Variants in TRPM3 observed in about 807,000 individuals in gnomAD.
The protein encoded by TRPM3 is transient receptor potential cation channel subfamily M member 3, also known as long transient receptor potential channel 3.
TRPM3 carries 77 observed loss-of-function variants against 181.2 expected under a neutral mutation model. That is an observed-to-expected ratio of 0.42 (90% CI 0.35 to 0.51). The LOEUF is 0.51. TRPM3 is among the 20% of genes least tolerant of loss of function. The probability of loss-of-function intolerance (pLI) is 0.01; values close to 1 mark genes in which losing one functional copy is unlikely to be tolerated. For missense variants in TRPM3, 1,759 were observed against 2,196.7 expected, an observed-to-expected ratio of 0.80 and a Z score of 3.98; for synonymous variants, 745 against 796.4, an observed-to-expected ratio of 0.94 and a Z score of 1.09.
At chr9:71,168,429 A>G (rs1391738497) in intron 1 of TRPM3, among the ~76,000 whole-genome samples, 1 of 151,458 alleles carries the variant, frequency 6.6e-6, no homozygotes, top group Non-Finnish European at 1.5e-5. Context: ...AGAATTACTG[A>G]GAGTTTAAAT....
chr9:71,022,524 A>C (rs1414241439), intron 1 of TRPM3, among the ~76,000 whole-genome samples: 14 of 152,022 alleles, frequency 9.2e-5, no homozygotes, highest in Admixed American at 9.2e-4. Flanking sequence ...GCAAGACTCT[A>C]TCTCTATAAA....
intron 1 of TRPM3, among the ~76,000 whole-genome samples, chr9:71,267,394 C>A (rs2083460800): frequency 6.6e-6 from 1 of 152,192 alleles, no homozygotes; most frequent in Non-Finnish European, 1.5e-5. Context: ...GTGGCTCTGA[C>A]CCCAGTAAGT....
At chr9:71,167,843 A>C (rs2076614139) in intron 1 of TRPM3, among the ~76,000 whole-genome samples, 1 of 152,214 alleles carries the variant, frequency 6.6e-6, no homozygotes, top group African/African-American at 2.4e-5. Flanking sequence ...TCTACAGAAG[A>C]AAATTTCAAA....
intron 12 of TRPM3, among the ~76,000 whole-genome samples, chr9:70,627,881 A>G (rs113869398): frequency 1.3e-5 from 2 of 152,224 alleles, no homozygotes; most frequent in African/African-American, 4.8e-5. Context: ...TTTGAAGATT[A>G]TCTTTATCCA....
intron 1 of TRPM3, among the ~76,000 whole-genome samples, chr9:71,414,215 T>A (rs2093604536): frequency 6.6e-6 from 1 of 152,092 alleles, no homozygotes; most frequent in African/African-American, 2.4e-5. Context: ...GATTATACCA[T>A]TTGAGGGCAG....
At chr9:71,026,430 A>G (rs984862028) in intron 1 of TRPM3, among the ~76,000 whole-genome samples, 2 of 152,094 alleles carry the variant, frequency 1.3e-5, no homozygotes, top group Non-Finnish European at 2.9e-5. Flanking sequence ...CCCGATGAAC[A>G]CGCACCAGCC....
At chr9:70,917,813 G>A (rs1354726472) in intron 1 of TRPM3, among the ~76,000 whole-genome samples, 2 of 151,844 alleles carry the variant, frequency 1.3e-5, no homozygotes, top group African/African-American at 4.8e-5. Context: ...AACAATGAAT[G>A]TAAATGGACT....
chr9:71,163,475 G>A (rs1350389452), intron 1 of TRPM3, among the ~76,000 whole-genome samples: 1 of 152,138 alleles, frequency 6.6e-6, no homozygotes, highest in South Asian at 2.1e-4. Context: ...GTTAACAGTG[G>A]TGTTATTTAT....
chr9:70,823,111 G>A (rs1208607961), intron 6 of TRPM3, among the ~76,000 whole-genome samples: 2 of 151,906 alleles, frequency 1.3e-5, no homozygotes, highest in African/African-American at 4.8e-5. Flanking sequence ...GCCTCTCTGG[G>A]CTTCCCCTGC....
intron 1 of TRPM3, among the ~76,000 whole-genome samples, chr9:71,059,135 C>G (rs1474413490): frequency 7.3e-6 from 1 of 137,910 alleles, no homozygotes. Context: ...TTAAAGGTTA[C>G]CAAAACCAAA....
At chr9:70,594,874 G>A (rs1439043071) in intron 21 of TRPM3, among the ~76,000 whole-genome samples, 1 of 152,140 alleles carries the variant, frequency 6.6e-6, no homozygotes, top group Non-Finnish European at 1.5e-5. Flanking sequence ...TTCCAGCCTG[G>A]TGGTCCATCT....
intron 1 of TRPM3, among the ~76,000 whole-genome samples, chr9:71,405,968 CT>C (rs1450809743): frequency 6.6e-6 from 1 of 152,034 alleles, no homozygotes; most frequent in East Asian, 1.9e-4. Flanking sequence ...ATCGCGTTAT[CT>C]TTTTTCAAAC....
chr9:71,209,604 CT>C (rs1467078890), intron 1 of TRPM3, among the ~76,000 whole-genome samples: 1 of 152,142 alleles, frequency 6.6e-6, no homozygotes, highest in East Asian at 1.9e-4. Flanking sequence ...CAAAGAGCAC[CT>C]GCTGATAGAG....
At chr9:71,228,170 T>C (rs1029971301) in intron 1 of TRPM3, among the ~76,000 whole-genome samples, 1 of 152,184 alleles carries the variant, frequency 6.6e-6, no homozygotes, top group Non-Finnish European at 1.5e-5. Flanking sequence ...GATGCAAGGA[T>C]GGTTCAACAT....
intron 1 of TRPM3, among the ~76,000 whole-genome samples, chr9:70,918,270 T>C (rs12344810): frequency 0.25 from 37,567 of 152,040 alleles, 5,044 homozygotes; most frequent in African/African-American, 0.33. Flanking sequence ...ATAGACCAAA[T>C]AGATCTAATA....
chr9:71,012,644 G>C (rs2097755414), intron 1 of TRPM3, among the ~76,000 whole-genome samples: 1 of 151,656 alleles, frequency 6.6e-6, no homozygotes, highest in Admixed American at 6.6e-5. Context: ...TCCTCATACA[G>C]AGCTGGCACA....
intron 1 of TRPM3, among the ~76,000 whole-genome samples, chr9:71,416,821 T>A (rs2131498633): frequency 6.6e-6 from 1 of 152,072 alleles, no homozygotes; most frequent in African/African-American, 2.4e-5. Flanking sequence ...GAAGTTTCCT[T>A]TTACTTCTTC....
At chr9:70,634,987 A>G (rs184945561) in intron 12 of TRPM3, among the ~76,000 whole-genome samples, 13 of 152,296 alleles carry the variant, frequency 8.5e-5, no homozygotes, top group African/African-American at 2.9e-4. Flanking sequence ...CACCAAAAGC[A>G]TCTAAAAGCA....
At chr9:70,854,264 T>G (rs1388511640) in intron 3 of TRPM3, among the ~76,000 whole-genome samples, 1 of 152,238 alleles carries the variant, frequency 6.6e-6, no homozygotes, top group Non-Finnish European at 1.5e-5. Flanking sequence ...TACTCTGATG[T>G]GGTGCTCCCA....
Sources: allele counts gnomAD v4.1 joint callset (sites outside exome capture counted in the v4.1 genomes callset), GRCh38; gene constraint gnomAD v4.1.1; transcripts MANE v1.5; gene names NCBI Gene and HGNC (gene_info 2026-07-23, HGNC 2026-07-21).